Variants in BMAL1 observed in about 807,000 individuals in gnomAD.
BMAL1 encodes the protein basic helix-loop-helix ARNT like 1, also known as basic helix-loop-helix ARNT-like protein 1.
At chr11:13,342,637 C>T in the BMAL1 span, among the ~76,000 whole-genome samples, 1 of 150,740 alleles carries the variant, frequency 6.6e-6, no homozygotes. Flanking sequence ...CGTATTTGGC[C>T]CCTGATTTTT....
chr11:13,384,919 A>G, the BMAL1 span, among the ~76,000 whole-genome samples: 3 of 152,214 alleles, frequency 2.0e-5, no homozygotes, highest in Non-Finnish European at 2.9e-5. Flanking sequence ...GGAGTCCTCA[A>G]TGATTTTTTT....
At chr11:13,325,271 T>A in the BMAL1 span, among the ~76,000 whole-genome samples, 26 of 152,186 alleles carry the variant, frequency 1.7e-4, no homozygotes, top group African/African-American at 6.0e-4. Context: ...TTCCATTTTT[T>A]AATAAGAGAA....
At chr11:13,323,089 A>G in the BMAL1 span, among the ~76,000 whole-genome samples, 1 of 151,610 alleles carries the variant, frequency 6.6e-6, no homozygotes, top group South Asian at 2.1e-4. Context: ...GAGCCACTGC[A>G]CCCAGCCGTT....
the BMAL1 span, among the ~76,000 whole-genome samples, chr11:13,319,066 A>G: frequency 0.029 from 4,371 of 152,176 alleles, 81 homozygotes; most frequent in Non-Finnish European, 0.043. Context: ...CGACATAGAT[A>G]CTTTCCCTTT....
chr11:13,386,532 GCTTA>G, the BMAL1 span: 1,519 of 1,426,626 alleles, frequency 1.1e-3, 2 homozygotes, highest in Non-Finnish European at 1.3e-3. Flanking sequence ...CTTAGGAATT[GCTTA>G]CTTAATCTGA....
the BMAL1 span, among the ~76,000 whole-genome samples, chr11:13,367,052 C>G: frequency 6.6e-6 from 1 of 152,130 alleles, no homozygotes; most frequent in African/African-American, 2.4e-5. Flanking sequence ...TTAGACTTTT[C>G]TTTTTTCTTT....
the BMAL1 span, among the ~76,000 whole-genome samples, chr11:13,319,459 C>CTA: frequency 6.6e-6 from 1 of 152,148 alleles, no homozygotes; most frequent in Admixed American, 6.5e-5. Context: ...CATGCTCTTC[C>CTA]TAGGAGCATC....
At chr11:13,348,243 G>A in the BMAL1 span, among the ~76,000 whole-genome samples, 1 of 152,236 alleles carries the variant, frequency 6.6e-6, no homozygotes, top group African/African-American at 2.4e-5. Context: ...GTGGTTTTGG[G>A]AACTCTTGTC....
At chr11:13,278,171 G>T in the BMAL1 span, among the ~76,000 whole-genome samples, 1 of 152,232 alleles carries the variant, frequency 6.6e-6, no homozygotes, top group Non-Finnish European at 1.5e-5. Flanking sequence ...CCTCGCGGGG[G>T]CTGCCGCTGC....
the BMAL1 span, among the ~76,000 whole-genome samples, chr11:13,285,081 C>T: frequency 6.6e-6 from 1 of 152,212 alleles, no homozygotes; most frequent in Non-Finnish European, 1.5e-5. Flanking sequence ...GATCTCACTT[C>T]TCTGTGAGGT....
At chr11:13,365,647 A>G in the BMAL1 span, 4 of 1,442,522 alleles carry the variant, frequency 2.8e-6, no homozygotes, top group South Asian at 2.4e-5. Context: ...CAGAAGTGTC[A>G]CTCAATTTTG....
At chr11:13,285,199 T>C in the BMAL1 span, among the ~76,000 whole-genome samples, 7 of 152,232 alleles carry the variant, frequency 4.6e-5, no homozygotes, top group Non-Finnish European at 8.8e-5. Flanking sequence ...CAAATTACCA[T>C]ATCATACTGA....
At chr11:13,341,111 G>GTC in the BMAL1 span, among the ~76,000 whole-genome samples, 1 of 152,188 alleles carries the variant, frequency 6.6e-6, no homozygotes, top group African/African-American at 2.4e-5. Context: ...TGTCCTGCCT[G>GTC]TCTGGTACCT....
the BMAL1 span, among the ~76,000 whole-genome samples, chr11:13,284,198 GTA>G: frequency 2.5e-4 from 18 of 71,874 alleles, 4 homozygotes; most frequent in Admixed American, 1.7e-3. Flanking sequence ...ATATATGTGT[GTA>G]TATATATATG....
the BMAL1 span, among the ~76,000 whole-genome samples, chr11:13,292,431 C>A: frequency 6.6e-6 from 1 of 151,578 alleles, no homozygotes; most frequent in Non-Finnish European, 1.5e-5. Context: ...CCTGTAATCC[C>A]AGCTCCTCGG....
chr11:13,308,587 T>A, the BMAL1 span, among the ~76,000 whole-genome samples: 1 of 152,086 alleles, frequency 6.6e-6, no homozygotes, highest in African/African-American at 2.4e-5. Flanking sequence ...GATTAACTGG[T>A]GTCAAAGCTG....
At chr11:13,377,108 C>T in the BMAL1 span, among the ~76,000 whole-genome samples, 725 of 152,282 alleles carry the variant, frequency 4.8e-3, 5 homozygotes, top group African/African-American at 0.017. Flanking sequence ...AGGGTGTGTA[C>T]CATACCCACT....
the BMAL1 span, among the ~76,000 whole-genome samples, chr11:13,287,355 C>T: frequency 3.9e-5 from 6 of 152,030 alleles, no homozygotes; most frequent in African/African-American, 9.7e-5. Context: ...GAAGGCATAG[C>T]GAGGAGTTGG....
chr11:13,294,407 C>CAAG, the BMAL1 span, among the ~76,000 whole-genome samples: 1 of 152,124 alleles, frequency 6.6e-6, no homozygotes, highest in Non-Finnish European at 1.5e-5. Flanking sequence ...TATTTTTCAA[C>CAAG]GAGTGTGAAT....
Sources: allele counts gnomAD v4.1 joint callset (sites outside exome capture counted in the v4.1 genomes callset), GRCh38; gene constraint gnomAD v4.1.1; transcripts MANE v1.5; gene names NCBI Gene and HGNC (gene_info 2026-07-23, HGNC 2026-07-21).